Variants in GLYATL3 observed in about 807,000 individuals in gnomAD.
GLYATL3 encodes glycine N-acyltransferase-like protein 3.
A neutral mutation model predicts 28.5 loss-of-function variants in GLYATL3; 31 were observed. The ratio of observed to expected loss-of-function variants is 1.09; its 90% CI spans 0.82 to 1.47. The LOEUF (loss-of-function observed/expected upper bound fraction) is 1.47, where lower values mean the gene tolerates loss of function less well. Ranked by LOEUF, GLYATL3 falls within the 40% of genes most tolerant of loss-of-function variation. The probability of loss-of-function intolerance (pLI) is 0.00; values close to 1 mark genes in which losing one functional copy is unlikely to be tolerated. For synonymous variants in GLYATL3, 141 were observed against 140.2 expected, an observed-to-expected ratio of 1.01 and a Z score of -0.04; for missense variants, 369 against 351.5, an observed-to-expected ratio of 1.05 and a Z score of -0.40.
At chr6:49,504,368 C>T (rs1768971702) in intron 1 of GLYATL3, among the ~76,000 whole-genome samples, 2 of 151,588 alleles carry the variant, frequency 1.3e-5, no homozygotes, top group Admixed American at 1.3e-4. Context: ...GGAATCCAAA[C>T]AGGAGATTGA....
At chr6:49,522,350 A>T (rs1769330531) in intron 5 of GLYATL3, among the ~76,000 whole-genome samples, 1 of 127,808 alleles carries the variant, frequency 7.8e-6, no homozygotes, top group South Asian at 2.6e-4. Context: ...GTCCAACTCC[A>T]GATGCAATCT....
intron 1 of GLYATL3, among the ~76,000 whole-genome samples, chr6:49,509,074 A>G (rs1459423655): frequency 3.9e-5 from 6 of 152,176 alleles, no homozygotes; most frequent in African/African-American, 1.4e-4. Flanking sequence ...GTTAGAAGAA[A>G]GAGTGTAAGG....
At chr6:49,504,976 C>G (rs905631244) in intron 1 of GLYATL3, among the ~76,000 whole-genome samples, 1 of 152,196 alleles carries the variant, frequency 6.6e-6, no homozygotes, top group South Asian at 2.1e-4. Flanking sequence ...AGAAAGGCCT[C>G]GGGGATTAAC....
chr6:49,515,012 C>A (rs185409919), intron 2 of GLYATL3, among the ~76,000 whole-genome samples: 39 of 152,272 alleles, frequency 2.6e-4, no homozygotes, highest in African/African-American at 7.9e-4. Context: ...AGTCACCAAG[C>A]ATTCAATCAT....
intron 1 of GLYATL3, among the ~76,000 whole-genome samples, chr6:49,508,595 G>T (rs186159163): frequency 1.3e-5 from 2 of 152,070 alleles, no homozygotes; most frequent in Non-Finnish European, 2.9e-5. Flanking sequence ...CACAACGGTC[G>T]CATTCCTTTC....
At chr6:49,523,547 C>T (rs1210332256) in intron 5 of GLYATL3, among the ~76,000 whole-genome samples, 1 of 152,152 alleles carries the variant, frequency 6.6e-6, no homozygotes, top group Non-Finnish European at 1.5e-5. Context: ...ATGGTAGCCC[C>T]CCTCCAGATC....
intron 1 of GLYATL3, among the ~76,000 whole-genome samples, chr6:49,502,345 T>A (rs1768930071): frequency 1.3e-5 from 2 of 152,164 alleles, no homozygotes; most frequent in South Asian, 4.1e-4. Flanking sequence ...GTCTAAAACT[T>A]CAGCACTGGG....
At chr6:49,505,193 C>T (rs3997172) in intron 1 of GLYATL3, among the ~76,000 whole-genome samples, 40,942 of 152,004 alleles carry the variant, frequency 0.27, 5,939 homozygotes, top group Non-Finnish European at 0.32. Flanking sequence ...GGTCCAGGTA[C>T]GTTAGTATGA....
At chr6:49,504,520 G>A (rs566289105) in intron 1 of GLYATL3, among the ~76,000 whole-genome samples, 1 of 152,152 alleles carries the variant, frequency 6.6e-6, no homozygotes, top group South Asian at 2.1e-4. Context: ...ATGTTTTTCG[G>A]CAGCAGTAAC....
intron 1 of GLYATL3, among the ~76,000 whole-genome samples, chr6:49,506,698 T>C (rs1427083359): frequency 6.6e-6 from 1 of 152,126 alleles, no homozygotes; most frequent in Non-Finnish European, 1.5e-5. Flanking sequence ...GCGAGTTCCA[T>C]GGAGACAAGG....
intron 1 of GLYATL3, among the ~76,000 whole-genome samples, chr6:49,502,025 G>C (rs1456552345): frequency 6.6e-6 from 1 of 152,150 alleles, no homozygotes; most frequent in Non-Finnish European, 1.5e-5. Flanking sequence ...GTCCAACCTG[G>C]CATTGTCTTT....
rs183887037 is a variant in GLYATL3, at chr6:49,522,170, C to A, written c.440+399C>A. Among the ~76,000 whole-genome samples the A allele has an allele frequency of 1.1e-4, 16 of 152,128 alleles. No individual in the cohort carries two copies. In the South Asian group the frequency reaches 3.1e-3, roughly 30 times the overall value. ...GGGGGTATATAGCTGACTTATGTTG[C>A]GCTCTTATGTGTCAGGGACTACATA... On this transcript the variant is annotated intron_variant, in intron 5 of 5. Transcript: ENST00000371197.
chr6:49,505,511 C>T (rs2396911), intron 1 of GLYATL3, among the ~76,000 whole-genome samples: 94,088 of 151,982 alleles, frequency 0.62, 31,078 homozygotes, highest in Non-Finnish European at 0.76. Flanking sequence ...AAAATGGTAA[C>T]GGCTGCCTCT....
chr6:49,512,187 A>C (rs1769133273), intron 2 of GLYATL3, 119 bp downstream of exon 2: 3 of 485,642 alleles, frequency 6.2e-6, no homozygotes, highest in Non-Finnish European at 1.1e-5. Context: ...AGCACTTGTT[A>C]AACATACAGC....
At chr6:49,525,758 T>C (rs1769399415) in intron 5 of GLYATL3, among the ~76,000 whole-genome samples, 1 of 152,032 alleles carries the variant, frequency 6.6e-6, no homozygotes, top group African/African-American at 2.4e-5. Context: ...TTGGGCATGG[T>C]CTGCTCACTT....
chr6:49,512,284 CTTT>C (rs1239062856), intron 2 of GLYATL3, among the ~76,000 whole-genome samples: 3 of 121,552 alleles, frequency 2.5e-5, no homozygotes, highest in African/African-American at 3.1e-5. Context: ...TTTTTTCTTT[CTTT>C]TTTTTTTTTT....
intron 5 of GLYATL3, among the ~76,000 whole-genome samples, chr6:49,522,506 A>C (rs1298428879): frequency 6.6e-6 from 1 of 152,204 alleles, no homozygotes; most frequent in African/African-American, 2.4e-5. Context: ...TTAAATCAAC[A>C]AATAATAATT....
At chr6:49,523,133 G>A (rs1769344688) in intron 5 of GLYATL3, among the ~76,000 whole-genome samples, 1 of 152,120 alleles carries the variant, frequency 6.6e-6, no homozygotes, top group African/African-American at 2.4e-5. Flanking sequence ...GAGATAAAAT[G>A]CAAAATCAAC....
chr6:49,510,129 G>A (rs573463870), intron 1 of GLYATL3, among the ~76,000 whole-genome samples: 52 of 151,644 alleles, frequency 3.4e-4, no homozygotes, highest in South Asian at 1.7e-3. Context: ...CGCAACCTCC[G>A]CCTCCCAGGT....
Sources: gnomAD v4.1 joint callset for allele counts (sites outside exome capture counted in the v4.1 genomes callset) on GRCh38, gnomAD v4.1.1 for gene constraint, MANE v1.5 for transcripts, NCBI Gene and HGNC (gene_info 2026-07-23, HGNC 2026-07-21) for gene names.